ALK: variants seen among roughly 807,000 people sequenced by gnomAD.
ALK encodes ALK receptor tyrosine kinase, also known as ALK tyrosine kinase receptor.
Under a neutral mutation model 163.1 loss-of-function variants are expected in ALK, and 74 were observed. The observed-to-expected ratio is 0.45, with a 90% CI of 0.38 to 0.55. The LOEUF is 0.55. ALK is among the 20% of genes least tolerant of loss of function. ALK has a pLI of 0.00. For missense variants in ALK, 2,063 were observed against 2,105.3 expected (o/e 0.98, Z 0.39); for synonymous variants, 960 against 843.2 (o/e 1.14, Z -2.40).
chr2:29,601,508 G>A (rs1443956903), intron 3 of ALK, among the ~76,000 whole-genome samples: 5 of 152,044 alleles, frequency 3.3e-5, no homozygotes, highest in Non-Finnish European at 7.4e-5. Context: ...TGCACACTGT[G>A]GCCTGGATAC....
chr2:29,213,913 C>G (rs1573108644), intron 24 of ALK, 71 bp downstream of exon 24: 2 of 1,306,558 alleles, frequency 1.5e-6, no homozygotes, highest in Non-Finnish European at 2.2e-6. Flanking sequence ...AAATGTGAGC[C>G]CTTGAGATCT....
At chr2:29,496,244 T>C (rs4666229) in intron 4 of ALK, among the ~76,000 whole-genome samples, 127,547 of 152,270 alleles carry the variant, frequency 0.84, 53,749 homozygotes, top group Non-Finnish European at 0.89. Flanking sequence ...TTGCTCATTG[T>C]TTATTACATC....
intron 2 of ALK, among the ~76,000 whole-genome samples, chr2:29,716,123 G>A (rs1042955430): frequency 2.6e-5 from 4 of 152,270 alleles, no homozygotes; most frequent in African/African-American, 7.2e-5. Context: ...AGGCCCAAGG[G>A]TATAGACTGC....
chr2:29,563,787 G>A (rs1210528628), intron 3 of ALK, among the ~76,000 whole-genome samples: 1 of 152,190 alleles, frequency 6.6e-6, no homozygotes, highest in Non-Finnish European at 1.5e-5. Context: ...ACAAGGATGA[G>A]AATAGTCCCT....
chr2:29,596,585 AG>A (rs552468515), intron 3 of ALK, among the ~76,000 whole-genome samples: 302 of 152,276 alleles, frequency 2.0e-3, no homozygotes, highest in Middle Eastern at 3.4e-3. Flanking sequence ...GAGAGAGGAA[AG>A]GGGAAGCTAG....
chr2:29,783,441 T>G (rs1216531776), intron 1 of ALK, among the ~76,000 whole-genome samples: 1 of 152,174 alleles, frequency 6.6e-6, no homozygotes, highest in Non-Finnish European at 1.5e-5. Context: ...ACTCAGTAAG[T>G]GTCAACCTGT....
chr2:29,630,058 C>T (rs1676313832), intron 3 of ALK, among the ~76,000 whole-genome samples: 1 of 152,094 alleles, frequency 6.6e-6, no homozygotes, highest in Non-Finnish European at 1.5e-5. Context: ...ATGTCAGTTG[C>T]CTTTCTTCGA....
chr2:29,591,640 G>A (rs1164191759), intron 3 of ALK, among the ~76,000 whole-genome samples: 1 of 152,150 alleles, frequency 6.6e-6, no homozygotes. Context: ...TCTCACTAAA[G>A]GTCAGAGAGA....
At chr2:29,424,835 C>T (rs113015895) in intron 4 of ALK, among the ~76,000 whole-genome samples, 7 of 152,116 alleles carry the variant, frequency 4.6e-5, no homozygotes, top group Non-Finnish European at 1.0e-4. Context: ...CACTTAACCT[C>T]GTAAGCCTTG....
chr2:29,796,659 C>T (rs2148360912), intron 1 of ALK, among the ~76,000 whole-genome samples: 1 of 152,222 alleles, frequency 6.6e-6, no homozygotes, highest in South Asian at 2.1e-4. Flanking sequence ...CTACGAATAA[C>T]TTTGGAGTTG....
At chr2:29,501,992 G>T (rs1298225897) in intron 4 of ALK, among the ~76,000 whole-genome samples, 1 of 152,194 alleles carries the variant, frequency 6.6e-6, no homozygotes, top group East Asian at 1.9e-4. Flanking sequence ...ATTGTAGCAG[G>T]TGTCAGAATT....
chr2:29,773,139 G>C (rs1451267436), intron 1 of ALK, among the ~76,000 whole-genome samples: 2 of 152,084 alleles, frequency 1.3e-5, no homozygotes, highest in African/African-American at 2.4e-5. Flanking sequence ...AAAGCATTCT[G>C]TGAGAATCCA....
intron 1 of ALK, among the ~76,000 whole-genome samples, chr2:29,892,846 G>T (rs1667179821): frequency 6.6e-6 from 1 of 152,184 alleles, no homozygotes; most frequent in Non-Finnish European, 1.5e-5. Context: ...TGGTAGAGGG[G>T]GGAGAATGAC....
chr2:29,641,040 G>A (rs898100204), intron 3 of ALK, among the ~76,000 whole-genome samples: 2 of 152,154 alleles, frequency 1.3e-5, no homozygotes. Context: ...TGCTTGGCGG[G>A]GGCAGTGATG....
At chr2:29,251,903 C>T (rs1664825107) in intron 11 of ALK, among the ~76,000 whole-genome samples, 1 of 152,214 alleles carries the variant, frequency 6.6e-6, no homozygotes, top group Admixed American at 6.5e-5. Flanking sequence ...GCTTGGCCTG[C>T]CTGTCAGACG....
chr2:29,340,229 G>GAA (rs1172502214), intron 5 of ALK, among the ~76,000 whole-genome samples: 4 of 152,166 alleles, frequency 2.6e-5, no homozygotes, highest in Non-Finnish European at 5.9e-5. Flanking sequence ...AGTAAACAAT[G>GAA]CAATTTCAAC....
chr2:29,385,079 G>C (rs1268362773), intron 4 of ALK, among the ~76,000 whole-genome samples: 1 of 150,496 alleles, frequency 6.6e-6, no homozygotes, highest in African/African-American at 2.4e-5. Context: ...GGTGGGTTTT[G>C]GCTTATTTAT....
chr2:29,664,717 C>T (rs1388537350), intron 3 of ALK, among the ~76,000 whole-genome samples: 1 of 152,158 alleles, frequency 6.6e-6, no homozygotes, highest in Non-Finnish European at 1.5e-5. Flanking sequence ...GTCCCAGGTC[C>T]TACTATCAGG....
In ALK at chr2:29,853,155, T is replaced by TC. The variant is rs879904862; in HGVS notation, c.667+66837_667+66838insG. Among the ~76,000 whole-genome samples the TC allele has an allele frequency of 3.9e-3, 590 of 152,332 alleles. 3 individuals are homozygous for TC. Among genetic ancestry groups the TC allele is most frequent in the African/African-American group, 0.014 (563 of 41,578 alleles). ...TATATGGGAATCGAAAGCAGCCTTATTGATTTAGGCTTTAAACATCATCAA... is the reference window on the plus strand; with the variant it reads ...TATATGGGAATCGAAAGCAGCCTTATCTGATTTAGGCTTTAAACATCATCAA... On this transcript the variant is annotated intron_variant, in intron 1 of 28. Transcript: ENST00000389048.
Sources: allele counts gnomAD v4.1 joint callset (sites outside exome capture counted in the v4.1 genomes callset), GRCh38; gene constraint gnomAD v4.1.1; transcripts MANE v1.5; gene names NCBI Gene and HGNC (gene_info 2026-07-23, HGNC 2026-07-21).